RYR3: variants seen among roughly 807,000 people sequenced by gnomAD.
RYR3 encodes the protein ryanodine receptor 3, also known as brain ryanodine receptor-calcium release channel.
Under a neutral mutation model 584.3 loss-of-function variants are expected in RYR3, and 207 were observed. The observed-to-expected ratio is 0.35, with a 90% CI of 0.32 to 0.40. The LOEUF (loss-of-function observed/expected upper bound fraction) is 0.40, where lower values mean the gene tolerates loss of function less well. RYR3 is among the 10% of genes least tolerant of loss of function. The pLI, the probability that RYR3 is intolerant of heterozygous loss-of-function variation, is 1.00. For missense variants in RYR3, 5,616 were observed against 6,089.2 expected (o/e 0.92, Z 2.59); for synonymous variants, 2,416 against 2,248.5 (o/e 1.07, Z -2.11).
At chr15:33,501,203 G>A (rs993979320) in intron 2 of RYR3, among the ~76,000 whole-genome samples, 2 of 152,140 alleles carry the variant, frequency 1.3e-5, no homozygotes, top group South Asian at 2.1e-4. Flanking sequence ...TCAATACCTG[G>A]ACTGAAAGGA....
chr15:33,713,453 G>T (rs750748970), intron 43 of RYR3, among the ~76,000 whole-genome samples: 2 of 151,854 alleles, frequency 1.3e-5, no homozygotes, highest in Non-Finnish European at 2.9e-5. Flanking sequence ...GTTGGGTGGT[G>T]CATGGTCATA....
At chr15:33,466,239 G>A (rs1464519449) in intron 1 of RYR3, among the ~76,000 whole-genome samples, 1 of 152,154 alleles carries the variant, frequency 6.6e-6, no homozygotes, top group Non-Finnish European at 1.5e-5. Flanking sequence ...GAGCACCACT[G>A]TAGCAGTAGA....
At chr15:33,596,485 G>GTTCTT (rs1334683372) in intron 16 of RYR3, among the ~76,000 whole-genome samples, 4 of 59,782 alleles carry the variant, frequency 6.7e-5, no homozygotes, top group Admixed American at 1.6e-4. Context: ...ACTCAATATT[G>GTTCTT]TTCTTTTTTT....
chr15:33,345,877 G>A (rs1404106619), intron 1 of RYR3, among the ~76,000 whole-genome samples: 1 of 152,144 alleles, frequency 6.6e-6, no homozygotes, highest in African/African-American at 2.4e-5. Flanking sequence ...CAGTAAAGCG[G>A]TTTGGCATAC....
intron 5 of RYR3, 38 bp downstream of exon 5, chr15:33,533,427 G>T: frequency 6.9e-7 from 1 of 1,455,940 alleles, no homozygotes; most frequent in East Asian, 2.3e-5. Context: ...GCTCAGCGGG[G>T]GTCTTGGGCT....
intron 29 of RYR3, 58 bp from the exon 30 acceptor site, chr15:33,647,366 G>C: frequency 1.4e-6 from 2 of 1,412,364 alleles, no homozygotes; most frequent in South Asian, 1.2e-5. Flanking sequence ...TTGCCTGTCG[G>C]AACTGTGGGA....
chr15:33,858,012 G>A, intron 99 of RYR3, 98 bp downstream of exon 99: 1 of 1,476,480 alleles, frequency 6.8e-7, no homozygotes, highest in African/African-American at 1.4e-5. Context: ...GTGCTCTTGA[G>A]AACTGTAGAG....
At chr15:33,443,349 T>G (rs532797121) in intron 1 of RYR3, among the ~76,000 whole-genome samples, 3 of 151,880 alleles carry the variant, frequency 2.0e-5, no homozygotes, top group East Asian at 3.9e-4. Context: ...TCAGAAAAAT[T>G]GAAAGATCAG....
At chr15:33,738,970 T>C (rs1201595392) in intron 50 of RYR3, among the ~76,000 whole-genome samples, 1 of 152,176 alleles carries the variant, frequency 6.6e-6, no homozygotes, top group African/African-American at 2.4e-5. Flanking sequence ...AGAGGAAAAG[T>C]CCTGACATCT....
In RYR3 at chr15:33,821,585, A is replaced by G; in HGVS notation, c.10978A>G (p.Asn3660Asp). Residue 3660 changes from asparagine to aspartate, a missense_variant, in exon 80 of 104, where the codon AAT (asparagine) becomes GAT (aspartate). Asn to Asp is a conservative substitution (Grantham distance 23). Transcript: ENST00000634891. ...GGGGATCGCCATTCTGAACGGAGGC[A>G]ATGCTGGTGTGCAACAGGTAACGGG... ...KLGIAILNGGNAGVQQKMLDY... is the reference protein window; with the variant it reads ...KLGIAILNGGDAGVQQKMLDY... 6.2e-7 allele frequency: 1 copy of G among 1,613,958 alleles called. No homozygotes were observed. The highest frequency in any genetic ancestry group is 8.5e-7 in the Non-Finnish European group (1 of 1,179,882).
chr15:33,572,687 A>ACACACACG (rs1432736104), intron 12 of RYR3, among the ~76,000 whole-genome samples: 3 of 147,700 alleles, frequency 2.0e-5, no homozygotes, highest in African/African-American at 7.3e-5. Context: ...ACACACACAC[A>ACACACACG]CACTGGGCTG....
In RYR3 at chr15:33,649,221, C is replaced by T. The variant is rs2062301610; in HGVS notation, c.4128C>T (p.Gly1376=). The T allele has an allele frequency of 1.9e-6, 3 of 1,612,538 alleles. No homozygotes were observed. The highest frequency in any genetic ancestry group is 1.1e-5 in the South Asian group (1 of 91,016). ...TVTVTLGDER[G]RVHESVKRSN... The stretch of plus-strand genomic sequence containing the variant: ...CTGTCACCCTAGGGGATGAAAGAGG[C>T]CGGGTCCATGAAAGGTAAGGGGGCT... Residue 1376 remains glycine (G), a synonymous_variant, in exon 31 of 104, where the codon GGC becomes GGT. Transcript: ENST00000634891.
At chr15:33,732,842 G>T (rs1288490314) in intron 48 of RYR3, among the ~76,000 whole-genome samples, 1 of 152,180 alleles carries the variant, frequency 6.6e-6, no homozygotes, top group Non-Finnish European at 1.5e-5. Context: ...CTGCTGTAGG[G>T]CACTCCAGAG....
chr15:33,801,921 T>C lies in RYR3; in HGVS notation c.9971T>C (p.Leu3324Ser). 1 of 1,591,062 alleles carries C rather than the reference T, an allele frequency of 6.3e-7. No homozygotes were observed. The highest frequency in any genetic ancestry group is 8.6e-7 in the Non-Finnish European group (1 of 1,166,822). The change falls in exon 69 of 104, where the codon TTG becomes TCG. Residue 3324 changes from leucine to serine, a missense_variant. By Grantham distance (145) the Leu-to-Ser change is moderately radical. This residue lies in a region of RYR3 where 954 missense variants were observed against 1,132.2 expected (regional missense o/e 0.84). Coordinates refer to ENST00000634891, the MANE Select transcript of RYR3 (RefSeq NM_001036.6). ...NFVIQNEINN[L>S]AFLTGDSKSK... ...GTGATTCAGAATGAAATTAATAATTTGGCATTTTTAACTGGAGACAGCAAA... is the reference window on the plus strand; with the variant it reads ...GTGATTCAGAATGAAATTAATAATTCGGCATTTTTAACTGGAGACAGCAAA...
intron 38 of RYR3, among the ~76,000 whole-genome samples, chr15:33,689,884 T>C (rs1308065014): frequency 3.9e-5 from 6 of 152,216 alleles, no homozygotes; most frequent in Admixed American, 3.9e-4. Flanking sequence ...TAGTGGGTAA[T>C]AATTGTGTCT....
chr15:33,369,580 A>ATCTATCTGTCTGTCTG (rs375511927), intron 1 of RYR3, among the ~76,000 whole-genome samples: 1 of 151,540 alleles, frequency 6.6e-6, no homozygotes, highest in African/African-American at 2.4e-5. Flanking sequence ...TCATCTATCT[A>ATCTATCTGTCTGTCTG]TCTGTCTGTC....
intron 38 of RYR3, among the ~76,000 whole-genome samples, chr15:33,683,001 CT>C (rs35327355): frequency 0.57 from 84,579 of 148,542 alleles, 25,562 homozygotes; most frequent in Admixed American, 0.69. Context: ...GTCATGTTTC[CT>C]TTTTTTTTTT....
At chr15:33,333,435 A>G (rs1407809032) in intron 1 of RYR3, among the ~76,000 whole-genome samples, 2 of 152,236 alleles carry the variant, frequency 1.3e-5, no homozygotes, top group Non-Finnish European at 2.9e-5. Flanking sequence ...ACAGCACTAA[A>G]GACAAAAACC....
In RYR3 at chr15:33,836,122, CTT is replaced by C. The variant is rs11364460; in HGVS notation, c.11569-773_11569-772del. Reference sequence around the variant, plus strand: ...TGGTTGGGTTTTTGGTTTTTGGTTTCTTTTTTTTTTTTCCTTTTTTCTTTTCT... The same window carrying C: ...TGGTTGGGTTTTTGGTTTTTGGTTTCTTTTTTTTTTCCTTTTTTCTTTTCT... On this transcript the variant is annotated intron_variant, in intron 87 of 103. Coordinates refer to ENST00000634891, the MANE Select transcript of RYR3 (RefSeq NM_001036.6). Among the ~76,000 whole-genome samples the C allele has an allele frequency of 5.7e-3, 797 of 140,396 alleles. 8 individuals are homozygous for C. The highest frequency in any genetic ancestry group is 0.019 in the African/African-American group (696 of 37,432). The allele number at this position is 140,396 out of a possible 152,430, so 92.1% of individuals were successfully genotyped here.
Sources: gnomAD v4.1 joint callset for allele counts (sites outside exome capture counted in the v4.1 genomes callset) on GRCh38, gnomAD v4.1.1 for gene constraint, gnomAD v4.1.1 regional missense constraint, MANE v1.5 for transcripts, NCBI Gene and HGNC (gene_info 2026-07-23, HGNC 2026-07-21) for gene names.